Variants in BICD1 observed in about 807,000 individuals in gnomAD.
The protein encoded by BICD1 is protein bicaudal D homolog 1.
A neutral mutation model predicts 92.5 loss-of-function variants in BICD1; 35 were observed. The ratio of observed to expected loss-of-function variants is 0.38; its 90% CI spans 0.29 to 0.50. The LOEUF is 0.50. Ranked by LOEUF, BICD1 falls within the 20% of genes least tolerant of loss-of-function variation. BICD1 has a pLI of 0.93. For synonymous variants in BICD1, 429 were observed against 465.1 expected, an observed-to-expected ratio of 0.92 and a Z score of 1.00; for missense variants, 950 against 1,189.8, an observed-to-expected ratio of 0.80 and a Z score of 2.97.
chr12:32,227,003 G>A (rs1485466271), intron 2 of BICD1, among the ~76,000 whole-genome samples: 4 of 150,952 alleles, frequency 2.6e-5, no homozygotes, highest in Non-Finnish European at 5.9e-5. Context: ...GGAGGTCCTC[G>A]GGGAAGATAA....
intron 2 of BICD1, among the ~76,000 whole-genome samples, chr12:32,256,474 C>T (rs1027092983): frequency 6.6e-6 from 1 of 152,204 alleles, no homozygotes; most frequent in Non-Finnish European, 1.5e-5. Flanking sequence ...TGCCAAAGGC[C>T]ACACACAGGA....
rs943777060 is a variant in BICD1 at position 32,224,423 on chromosome 12, A to G, written c.426+7964A>G. Among the ~76,000 whole-genome samples, 4 of 152,368 alleles carry G rather than the reference A, an allele frequency of 2.6e-5. No homozygotes were observed. In the East Asian group the frequency reaches 7.7e-4, roughly 29 times the overall value. ...TTCATTATTGCATTTAATTCTCTCAACAAACTTGCAGCGCATATGCGATTC... is the reference window on the plus strand; with the variant it reads ...TTCATTATTGCATTTAATTCTCTCAGCAAACTTGCAGCGCATATGCGATTC... On this transcript the variant is annotated intron_variant, in intron 2 of 9. Coordinates refer to ENST00000652176, the MANE Select transcript of BICD1 (RefSeq NM_001714.4).
chr12:32,374,570 T>TC (rs1174513070), intron 9 of BICD1, among the ~76,000 whole-genome samples: 2 of 127,680 alleles, frequency 1.6e-5, no homozygotes, highest in Middle Eastern at 4.7e-3. Flanking sequence ...TCTTTCTTCT[T>TC]TTTTTTTTTT....
At chr12:32,332,506 A>G (rs1937922794) in intron 5 of BICD1, 1 of 914,180 alleles carries the variant, frequency 1.1e-6, no homozygotes, top group Non-Finnish European at 1.3e-6. Context: ...CCGTCCATCT[A>G]GCACTGTGCT....
chr12:32,212,726 C>T (rs1202157659), intron 1 of BICD1, among the ~76,000 whole-genome samples: 6 of 152,102 alleles, frequency 3.9e-5, no homozygotes, highest in African/African-American at 9.7e-5. Context: ...TCCAGCCTAC[C>T]GTGACATTTT....
intron 1 of BICD1, among the ~76,000 whole-genome samples, chr12:32,187,692 AAG>A (rs1944457441): frequency 6.6e-6 from 1 of 152,088 alleles, no homozygotes; most frequent in Admixed American, 6.5e-5. Flanking sequence ...AAAAAGAAAA[AAG>A]AAAATGATTC....
intron 1 of BICD1, among the ~76,000 whole-genome samples, chr12:32,165,331 C>T (rs1943723147): frequency 6.6e-6 from 1 of 151,948 alleles, no homozygotes; most frequent in Admixed American, 6.6e-5. Context: ...CTGGCTAACA[C>T]GGTGAAACAC....
chr12:32,365,445 G>A (rs765861874), intron 8 of BICD1, among the ~76,000 whole-genome samples: 25 of 152,094 alleles, frequency 1.6e-4, no homozygotes, highest in Non-Finnish European at 3.4e-4. Context: ...GACTGTATTG[G>A]CAAAACAAAG....
intron 8 of BICD1, among the ~76,000 whole-genome samples, chr12:32,359,504 A>C (rs1439463212): frequency 6.6e-6 from 1 of 150,530 alleles, no homozygotes; most frequent in Non-Finnish European, 1.5e-5. Context: ...TTTCACTCCC[A>C]TCATAACCCA....
rs907355769 is a variant in BICD1, at chr12:32,382,852, C to T, written c.*5225C>T. 6.6e-6 allele frequency: 1 copy of T among 151,796 alleles called. No individual in the cohort carries two copies. The highest frequency in any genetic ancestry group is 1.5e-5 in the Non-Finnish European group (1 of 67,896). 9.4% of individuals were successfully genotyped at this position (151,796 alleles called of 1,614,324 possible). A position where few individuals can be genotyped will look rare whatever the true frequency, so the allele number is the denominator to read the frequency against. On this transcript the variant is annotated 3_prime_UTR_variant, in exon 10 of 10. Coordinates refer to ENST00000652176, the MANE Select transcript of BICD1 (RefSeq NM_001714.4). ...ATCATTTTATTTAAAAATAATTATT[C>T]AATGATAGATAATGGAGATACAGAA...
At chr12:32,306,337 A>G (rs1948215756) in intron 4 of BICD1, among the ~76,000 whole-genome samples, 1 of 151,892 alleles carries the variant, frequency 6.6e-6, no homozygotes, top group Non-Finnish European at 1.5e-5. Context: ...TCCGCCTCCC[A>G]GGTTCAAGTG....
At chr12:32,223,927 T>G (rs2121575890) in intron 2 of BICD1, among the ~76,000 whole-genome samples, 1 of 152,298 alleles carries the variant, frequency 6.6e-6, no homozygotes. Context: ...GTTTATGGGT[T>G]AAGTTTGCTG....
At chr12:32,293,863 T>C (rs1263894980) in intron 2 of BICD1, 131 bp from the exon 3 acceptor site, 2 of 886,090 alleles carry the variant, frequency 2.3e-6, no homozygotes, top group African/African-American at 3.5e-5. Flanking sequence ...TAAATTGCCA[T>C]TCGAAAAAAT....
At chr12:32,196,898 C>G (rs1402099681) in intron 1 of BICD1, among the ~76,000 whole-genome samples, 3 of 152,156 alleles carry the variant, frequency 2.0e-5, no homozygotes, top group Admixed American at 6.5e-5. Context: ...TGAATATGTA[C>G]AACTTTTCTT....
chr12:32,377,026 C>G (rs1040727897), intron 9 of BICD1, among the ~76,000 whole-genome samples: 1 of 152,140 alleles, frequency 6.6e-6, no homozygotes, highest in Non-Finnish European at 1.5e-5. Context: ...CCTCTAAACT[C>G]CAAAGCCTTG....
chr12:32,219,930 A>G (rs1945465721), intron 2 of BICD1, among the ~76,000 whole-genome samples: 1 of 152,224 alleles, frequency 6.6e-6, no homozygotes. Flanking sequence ...GCCCTTAGAA[A>G]TAATGCCACA....
chr12:32,130,531 T>C (rs1942505394), intron 1 of BICD1, among the ~76,000 whole-genome samples: 1 of 152,078 alleles, frequency 6.6e-6, no homozygotes, highest in Non-Finnish European at 1.5e-5. Flanking sequence ...TGTCGGAAAG[T>C]GTGTAGAGGT....
chr12:32,228,682 G>A (rs1421136750), intron 2 of BICD1, among the ~76,000 whole-genome samples: 1 of 152,108 alleles, frequency 6.6e-6, no homozygotes, highest in Admixed American at 6.5e-5. Context: ...AGCCCCAATG[G>A]GATTTTCTAA....
At chr12:32,331,988 A>T (rs1223371617) in intron 5 of BICD1, among the ~76,000 whole-genome samples, 3 of 152,104 alleles carry the variant, frequency 2.0e-5, no homozygotes, top group Admixed American at 6.5e-5. Context: ...GGTACAGGGG[A>T]AAAAAGGAAA....
Sources: gnomAD v4.1 joint callset for allele counts (sites outside exome capture counted in the v4.1 genomes callset) on GRCh38, gnomAD v4.1.1 for gene constraint, MANE v1.5 for transcripts, NCBI Gene and HGNC (gene_info 2026-07-23, HGNC 2026-07-21) for gene names.